Variants in TAS2R1 observed in about 807,000 individuals in gnomAD.
TAS2R1 encodes taste receptor type 2 member 1.
For synonymous variants in TAS2R1, 141 were observed against 134.2 expected (o/e 1.05, Z -0.35); for missense variants, 370 against 353.4 (o/e 1.05, Z -0.38).
chr5:9,716,656 C>A (rs1694345072), upstream of TAS2R1, among the ~76,000 whole-genome samples: 1 of 152,058 alleles, frequency 6.6e-6, no homozygotes, highest in Admixed American at 6.6e-5. Flanking sequence ...TTTCTCCAAA[C>A]AAGCCCTTTT....
the TAS2R1 span, among the ~76,000 whole-genome samples, chr5:9,733,440 C>T: frequency 3.9e-5 from 6 of 152,352 alleles, no homozygotes; most frequent in East Asian, 1.2e-3. Flanking sequence ...TGGAATTACT[C>T]AGGCAAAGTG....
At chr5:9,886,774 T>C in the TAS2R1 span, among the ~76,000 whole-genome samples, 1,325 of 152,294 alleles carry the variant, frequency 8.7e-3, 11 homozygotes, top group Admixed American at 0.019. Flanking sequence ...TATTGGGTAC[T>C]ATGCTTATTA....
the TAS2R1 span, among the ~76,000 whole-genome samples, chr5:9,892,404 C>G: frequency 6.6e-6 from 1 of 152,186 alleles, no homozygotes; most frequent in African/African-American, 2.4e-5. Context: ...TGTTTTTCTT[C>G]CCATTCCTTC....
At chr5:9,848,089 A>C in the TAS2R1 span, among the ~76,000 whole-genome samples, 643 of 152,340 alleles carry the variant, frequency 4.2e-3, 2 homozygotes, top group African/African-American at 0.015. Flanking sequence ...CATCCAACAC[A>C]GAACTCATGA....
the TAS2R1 span, among the ~76,000 whole-genome samples, chr5:9,721,918 C>G: frequency 2.6e-5 from 4 of 152,182 alleles, no homozygotes; most frequent in Admixed American, 1.3e-4. Flanking sequence ...CAAATATTGA[C>G]TAACTTCTGT....
intron 1 of TAS2R1, among the ~76,000 whole-genome samples, chr5:9,674,971 A>G (rs1488054593): frequency 6.6e-6 from 1 of 151,972 alleles, no homozygotes; most frequent in African/African-American, 2.4e-5. Context: ...CAATTAAAAA[A>G]TCATAATGCT....
At chr5:9,902,468 T>C in the TAS2R1 span, among the ~76,000 whole-genome samples, 1 of 152,086 alleles carries the variant, frequency 6.6e-6, no homozygotes, top group South Asian at 2.1e-4. Context: ...AAATTTGGCT[T>C]TCAATTTCTG....
chr5:9,884,404 G>T, the TAS2R1 span, among the ~76,000 whole-genome samples: 1 of 151,268 alleles, frequency 6.6e-6, no homozygotes, highest in African/African-American at 2.4e-5. Flanking sequence ...AACCCAGGAG[G>T]CAGAGGTTGC....
At chr5:9,746,770 G>A in the TAS2R1 span, among the ~76,000 whole-genome samples, 5 of 152,176 alleles carry the variant, frequency 3.3e-5, no homozygotes, top group Non-Finnish European at 7.3e-5. Flanking sequence ...CCATCAGTGG[G>A]TGGGAGGCAA....
the TAS2R1 span, among the ~76,000 whole-genome samples, chr5:9,738,402 A>G: frequency 6.6e-6 from 1 of 152,112 alleles, no homozygotes; most frequent in African/African-American, 2.4e-5. Context: ...GTGGAGGGAG[A>G]AGGGAGGCCT....
chr5:9,692,839 C>CT (rs1368111387), intron 1 of TAS2R1, among the ~76,000 whole-genome samples: 1 of 152,044 alleles, frequency 6.6e-6, no homozygotes, highest in African/African-American at 2.4e-5. Context: ...CTGGCCATAT[C>CT]TTTTTTTTCC....
upstream of TAS2R1, chr5:9,713,988 A>ATATAT (rs1409170076): frequency 1.3e-5 from 2 of 152,192 alleles, no homozygotes; most frequent in African/African-American, 2.4e-5. Flanking sequence ...ATATAAATGT[A>ATATAT]ATGGCAGTGG....
intron 1 of TAS2R1, among the ~76,000 whole-genome samples, chr5:9,699,946 AAAG>A (rs1741442731): frequency 6.6e-6 from 1 of 152,176 alleles, no homozygotes; most frequent in Admixed American, 6.5e-5. Context: ...CCCTGACAAA[AAAG>A]AAGCAAGTCT....
intron 1 of TAS2R1, chr5:9,659,857 T>G (rs1215267884): frequency 6.6e-6 from 1 of 152,036 alleles, no homozygotes; most frequent in East Asian, 1.9e-4. Flanking sequence ...GGGGAAATAC[T>G]TCACTGCAGT....
the TAS2R1 span, among the ~76,000 whole-genome samples, chr5:9,851,179 A>C: frequency 6.6e-6 from 1 of 152,272 alleles, no homozygotes; most frequent in South Asian, 2.1e-4. Flanking sequence ...TTATCTATAA[A>C]CCATGTTTAT....
chr5:9,893,208 C>T, the TAS2R1 span, among the ~76,000 whole-genome samples: 1 of 138,286 alleles, frequency 7.2e-6, no homozygotes, highest in Non-Finnish European at 1.6e-5. Context: ...GTTGCCCCAG[C>T]TTTTTTTTTT....
chr5:9,785,616 C>G, the TAS2R1 span, among the ~76,000 whole-genome samples: 1 of 152,186 alleles, frequency 6.6e-6, no homozygotes, highest in Non-Finnish European at 1.5e-5. Flanking sequence ...GCCATTTATA[C>G]AATTTTATTC....
chr5:9,646,547 T>C (rs79842848), intron 2 of TAS2R1, among the ~76,000 whole-genome samples: 2,519 of 152,304 alleles, frequency 0.017, 33 homozygotes, highest in Middle Eastern at 0.051. Context: ...TCTTTTGTCG[T>C]AGGAGTCAAA....
At chr5:9,794,238 G>T in the TAS2R1 span, among the ~76,000 whole-genome samples, 5 of 152,154 alleles carry the variant, frequency 3.3e-5, no homozygotes, top group Non-Finnish European at 7.4e-5. Context: ...GAATTTGAAA[G>T]AAATAAGATT....
Sources: allele counts gnomAD v4.1 joint callset (sites outside exome capture counted in the v4.1 genomes callset), GRCh38; gene constraint gnomAD v4.1.1; transcripts MANE v1.5; gene names NCBI Gene and HGNC (gene_info 2026-07-23, HGNC 2026-07-21).